CD9: variants seen among roughly 807,000 people sequenced by gnomAD.
The protein encoded by CD9 is CD9 molecule, also known as CD9 antigen.
CD9 carries 10 observed loss-of-function variants against 31.4 expected under a neutral mutation model. The ratio of observed to expected loss-of-function variants is 0.32; its 90% CI spans 0.20 to 0.54. The LOEUF (loss-of-function observed/expected upper bound fraction) is 0.54, where lower values mean the gene tolerates loss of function less well. Among genes scored for constraint, CD9 ranks in the 20% least tolerant of loss-of-function variants. The pLI, the probability that CD9 is intolerant of heterozygous loss-of-function variation, is 0.94. For synonymous variants in CD9, 113 were observed against 114.1 expected, an observed-to-expected ratio of 0.99 and a Z score of 0.06; for missense variants, 259 against 300.1, an observed-to-expected ratio of 0.86 and a Z score of 1.01.
At chr12:6,213,840 C>T (rs1946216599) in intron 1 of CD9, among the ~76,000 whole-genome samples, 1 of 152,186 alleles carries the variant, frequency 6.6e-6, no homozygotes, top group Non-Finnish European at 1.5e-5. Context: ...CATCTTCCCT[C>T]CCTCCCTCTT....
At chr12:6,220,057 A>C in intron 1 of CD9, among the ~76,000 whole-genome samples, 1 of 152,298 alleles carries the variant, frequency 6.6e-6, no homozygotes, top group East Asian at 1.9e-4. Flanking sequence ...TGGGAGGCAA[A>C]CCCCAGATAG....
intron 2 of CD9, among the ~76,000 whole-genome samples, chr12:6,228,166 C>T (rs1409633502): frequency 1.3e-5 from 2 of 152,178 alleles, no homozygotes; most frequent in African/African-American, 2.4e-5. Context: ...GGGAAGAGAG[C>T]GGAGCTTTGA....
chr12:6,206,514 G>A (rs1014800170), intron 1 of CD9, among the ~76,000 whole-genome samples: 8 of 152,110 alleles, frequency 5.3e-5, no homozygotes, highest in Non-Finnish European at 8.8e-5. Flanking sequence ...ATGAGCCACC[G>A]CGCCTGGCCT....
At chr12:6,223,612 C>T (rs1247191038) in intron 1 of CD9, among the ~76,000 whole-genome samples, 1 of 152,166 alleles carries the variant, frequency 6.6e-6, no homozygotes, top group Non-Finnish European at 1.5e-5. Flanking sequence ...CAGGCCAGGA[C>T]TTGCCATGTA....
intron 6 of CD9, chr12:6,235,796 T>G (rs904177231): frequency 1.1e-5 from 15 of 1,389,142 alleles, no homozygotes; most frequent in African/African-American, 1.4e-5. Context: ...CGCCCACTGC[T>G]GCCAGCCCGG....
chr12:6,207,054 A>G (rs1946140512), intron 1 of CD9, among the ~76,000 whole-genome samples: 1 of 152,028 alleles, frequency 6.6e-6, no homozygotes, highest in Non-Finnish European at 1.5e-5. Context: ...ATACCCGGCT[A>G]ATTTTTTTGT....
At chr12:6,233,509 C>T (rs1445411971) in intron 4 of CD9, 23 bp downstream of exon 4, 1 of 1,590,770 alleles carries the variant, frequency 6.3e-7, no homozygotes, top group Non-Finnish European at 8.6e-7. Flanking sequence ...CATGAGATCT[C>T]TTGGGTTTGG....
Position 6,234,647 on chromosome 12 carries a change from C to T in CD9, c.349-582C>T, listed in dbSNP as rs775955311. 3.9e-5 allele frequency among the ~76,000 whole-genome samples: 6 copies of T among 152,196 alleles called. No individual in the cohort carries two copies. In the South Asian group the frequency reaches 8.3e-4, roughly 21 times the overall value. ...AGACATTAAATTGGGATGCGCCAGG[C>T]GCAGGCACATAATAATACATCCCCT... is the stretch of plus-strand genomic sequence containing the variant. On this transcript the variant is annotated intron_variant, in intron 4 of 7. Transcript: ENST00000009180.
intron 1 of CD9, among the ~76,000 whole-genome samples, chr12:6,210,913 T>C (rs1946187311): frequency 6.6e-6 from 1 of 151,064 alleles, no homozygotes; most frequent in South Asian, 2.1e-4. Context: ...CTTGGGTCAC[T>C]GCAACCTCTG....
chr12:6,225,396 A>G (rs979234402), intron 1 of CD9, 30 bp from the exon 2 acceptor site: 1 of 1,466,974 alleles, frequency 6.8e-7, no homozygotes, highest in Non-Finnish European at 9.6e-7. Flanking sequence ...GGCAGCCAGA[A>G]TTAATGCTGA....
chr12:6,213,641 C>CT (rs1156637457), intron 1 of CD9, among the ~76,000 whole-genome samples: 7 of 152,352 alleles, frequency 4.6e-5, no homozygotes, highest in African/African-American at 1.7e-4. Context: ...TTCTGGACAC[C>CT]TAGAACACCT....
At chr12:6,217,568 C>G (rs1591968628) in intron 1 of CD9, among the ~76,000 whole-genome samples, 1 of 152,100 alleles carries the variant, frequency 6.6e-6, no homozygotes, top group African/African-American at 2.4e-5. Context: ...CTGATGCCCA[C>G]CCCATAAAGA....
chr12:6,200,317 T>A (rs1460983924), upstream of CD9: 5 of 363,100 alleles, frequency 1.4e-5, no homozygotes, highest in African/African-American at 6.4e-5. Flanking sequence ...TGGGGGCGGC[T>A]TTTCCCGGCA....
chr12:6,220,799 C>G (rs1471617474), intron 1 of CD9, among the ~76,000 whole-genome samples: 1 of 152,196 alleles, frequency 6.6e-6, no homozygotes, highest in Admixed American at 6.5e-5. Context: ...ATCCTCCTCC[C>G]CAGTTTCCCC....
intron 1 of CD9, among the ~76,000 whole-genome samples, chr12:6,211,896 T>A (rs936960143): frequency 6.6e-6 from 1 of 152,118 alleles, no homozygotes; most frequent in African/African-American, 2.4e-5. Flanking sequence ...AGCCCCAACA[T>A]CCTAACGCCA....
Position 6,223,053 on chromosome 12 carries a change from C to T in CD9, c.67-2373C>T, listed in dbSNP as rs1168180472. Among the ~76,000 whole-genome samples the T allele has an allele frequency of 4.6e-5, 7 of 152,294 alleles. No homozygotes were observed. The East Asian group carries it at 1.2e-3, about 25-fold the overall frequency. Reference sequence around the variant, plus strand: ...CTGTCTCGCTATCTCCCTATGCGCGCAAGAGCATCACAAGACCAGGGCGAG... The same window carrying T: ...CTGTCTCGCTATCTCCCTATGCGCGTAAGAGCATCACAAGACCAGGGCGAG... On this transcript the variant is annotated intron_variant, in intron 1 of 7. Coordinates refer to ENST00000009180, the MANE Select transcript of CD9 (RefSeq NM_001769.4).
At position 6,238,172 on chromosome 12, in the gene CD9, TTAAA is replaced by T. The variant is rs1419928182; in HGVS notation, c.*347_*350del. 1.1e-5 allele frequency: 2 copies of T among 178,172 alleles called. No individual in the cohort carries two copies. The highest frequency in any genetic ancestry group is 2.4e-5 in the Non-Finnish European group (2 of 84,048). 11.0% of individuals were successfully genotyped at this position (178,172 alleles called of 1,614,324 possible). A position where few individuals can be genotyped will look rare whatever the true frequency, so the allele number is the denominator to read the frequency against. On this transcript the variant is annotated 3_prime_UTR_variant, in exon 8 of 8. Transcript: ENST00000009180. ...TGTACATAAAAGAATTTTTTTGTCT[TTAAA>T]TAGATACAAATGTCTATCAACTTTA...
rs80271009 is a variant in CD9, at chr12:6,235,559, C to T, written c.531C>T (p.Thr177=). The T allele has an allele frequency of 9.2e-4, 1,486 of 1,611,578 alleles. 16 individuals carry two copies. In the African/African-American group the frequency reaches 0.018, roughly 19 times the overall value. ...AGAAGGACGTACTCGAAACCTTCAC[C>T]GTGAAGGTAAACTCAGACCAGGATC... is the stretch of plus-strand genomic sequence containing the variant. ...CPKKDVLETF[T]VKSCPDAIKE... is the part of the protein sequence containing the mutation. Residue 177 remains threonine, a synonymous_variant, in exon 6 of 8, where the codon ACC becomes ACT. Transcript: ENST00000009180.
At chr12:6,203,109 A>G (rs927678246) in intron 1 of CD9, among the ~76,000 whole-genome samples, 1 of 152,194 alleles carries the variant, frequency 6.6e-6, no homozygotes, top group Non-Finnish European at 1.5e-5. Context: ...TTCTAGTCCC[A>G]TGATGTAGCC....
Sources: gnomAD v4.1 joint callset for allele counts (sites outside exome capture counted in the v4.1 genomes callset) on GRCh38, gnomAD v4.1.1 for gene constraint, MANE v1.5 for transcripts, NCBI Gene and HGNC (gene_info 2026-07-23, HGNC 2026-07-21) for gene names.